MARCHF4: variants seen among roughly 807,000 people sequenced by gnomAD.
The protein encoded by MARCHF4 is E3 ubiquitin-protein ligase MARCHF4.
A neutral mutation model predicts 43.9 loss-of-function variants in MARCHF4; 14 were observed. The observed-to-expected ratio is 0.32, with a 90% confidence interval of 0.21 to 0.50. The LOEUF (loss-of-function observed/expected upper bound fraction) is 0.50, where lower values mean the gene tolerates loss of function less well. Ranked by LOEUF, MARCHF4 falls within the 20% of genes least tolerant of loss-of-function variation. The probability of loss-of-function intolerance (pLI) is 0.98; values close to 1 mark genes in which losing one functional copy is unlikely to be tolerated. For missense variants in MARCHF4, 468 were observed against 536.7 expected, an observed-to-expected ratio of 0.87 and a Z score of 1.27; for synonymous variants, 226 against 213.3, an observed-to-expected ratio of 1.06 and a Z score of -0.52.
chr2:216,356,029 G>C (rs1370217702), intron 1 of MARCHF4, among the ~76,000 whole-genome samples: 1 of 152,194 alleles, frequency 6.6e-6, no homozygotes, highest in Non-Finnish European at 1.5e-5. Flanking sequence ...ACAGCCCCAG[G>C]ACTAGAAAGC....
chr2:216,263,507 G>GAA (rs775037744), intron 3 of MARCHF4, among the ~76,000 whole-genome samples: 110 of 129,674 alleles, frequency 8.5e-4, no homozygotes, highest in South Asian at 7.2e-3. Context: ...GAGAGAGAGA[G>GAA]AGAGAGAGAG....
At chr2:216,350,611 C>T (rs921341984) in intron 1 of MARCHF4, among the ~76,000 whole-genome samples, 1 of 152,142 alleles carries the variant, frequency 6.6e-6, no homozygotes, top group Non-Finnish European at 1.5e-5. Context: ...GCCTGCGGGC[C>T]CCTTCTCCCC....
At chr2:216,269,512 T>A (rs1313888464) in intron 3 of MARCHF4, among the ~76,000 whole-genome samples, 1 of 152,194 alleles carries the variant, frequency 6.6e-6, no homozygotes, top group African/African-American at 2.4e-5. Context: ...AGACTTTTAA[T>A]GACGTGAGGA....
rs1378143306 is a variant in MARCHF4 at position 216,364,727 on chromosome 2, G to A, written c.516+5018C>T. Among the ~76,000 whole-genome samples the A allele has an allele frequency of 3.9e-5, 6 of 152,308 alleles. 1 individual carries two copies. The highest frequency in any genetic ancestry group is 4.1e-4 in the South Asian group (2 of 4,832). ...CAAGCCAGCAGGACTGTCCATACAC[G>A]TTGGTCCAAGGCTCATTAGTACAGG... On this transcript the variant is annotated intron_variant, in intron 1 of 3. Transcript: ENST00000273067.
chr2:216,350,995 A>G (rs189837874), intron 1 of MARCHF4, among the ~76,000 whole-genome samples: 52 of 152,308 alleles, frequency 3.4e-4, no homozygotes, highest in Admixed American at 1.0e-3. Flanking sequence ...GTCTTACAAC[A>G]AACAAACAAG....
chr2:216,298,172 A>C (rs1489283871), intron 1 of MARCHF4, among the ~76,000 whole-genome samples: 1 of 151,576 alleles, frequency 6.6e-6, no homozygotes, highest in Non-Finnish European at 1.5e-5. Context: ...CACCCTGAAA[A>C]GTTCTATTTT....
intron 1 of MARCHF4, among the ~76,000 whole-genome samples, chr2:216,321,980 A>T (rs997453835): frequency 1.3e-5 from 2 of 152,198 alleles, no homozygotes; most frequent in African/African-American, 4.8e-5. Context: ...GAACATCCAC[A>T]CATGGTGGAC....
At chr2:216,351,867 T>C (rs976421669) in intron 1 of MARCHF4, among the ~76,000 whole-genome samples, 1 of 152,240 alleles carries the variant, frequency 6.6e-6, no homozygotes. Flanking sequence ...ATAATGCTGA[T>C]GGCACCTGGG....
At chr2:216,343,029 A>G (rs911434868) in intron 1 of MARCHF4, among the ~76,000 whole-genome samples, 1 of 152,184 alleles carries the variant, frequency 6.6e-6, no homozygotes, top group East Asian at 1.9e-4. Flanking sequence ...AGAATGGTGA[A>G]CTGTCCCCCT....
chr2:216,318,681 G>A (rs920533952), intron 1 of MARCHF4, among the ~76,000 whole-genome samples: 18 of 152,144 alleles, frequency 1.2e-4, no homozygotes, highest in African/African-American at 2.7e-4. Context: ...TGCCGTGAAT[G>A]AGAATGGCAG....
chr2:216,284,538 T>C (rs1281297984), intron 1 of MARCHF4, among the ~76,000 whole-genome samples: 4 of 152,196 alleles, frequency 2.6e-5, no homozygotes, highest in African/African-American at 9.7e-5. Context: ...CGATTGCGGC[T>C]AACTGCAACC....
chr2:216,320,635 CTT>C (rs1691868211), intron 1 of MARCHF4, among the ~76,000 whole-genome samples: 1 of 111,902 alleles, frequency 8.9e-6, no homozygotes, highest in African/African-American at 4.0e-5. Flanking sequence ...TTCTTTCTTT[CTT>C]TCTTTCTTTC....
At chr2:216,361,487 C>T (rs192802967) in intron 1 of MARCHF4, among the ~76,000 whole-genome samples, 123 of 152,196 alleles carry the variant, frequency 8.1e-4, no homozygotes, top group Admixed American at 3.4e-3. Flanking sequence ...CATGGTCTGC[C>T]CCTGACCTCT....
In MARCHF4 at chr2:216,259,507, G is replaced by A. The variant is rs1277574466; in HGVS notation, c.1038C>T (p.Ser346=). The A allele has an allele frequency of 1.9e-6, 3 of 1,614,210 alleles. No homozygotes were observed. Among genetic ancestry groups the A allele is most frequent in the East Asian group, 4.5e-5 (2 of 44,880 alleles). The change falls in exon 4 of 4, where the codon TCC becomes TCT. Residue 346 remains serine (S), a synonymous_variant. Transcript: ENST00000273067. The part of the protein sequence containing the change: ...TSSSTQANIP[S]SEEETAGTPA... ...GGGTGCCTGCGGTCTCCTCTTCCGA[G>A]GAGGGGATATTGGCCTGGGTGGATG...
At chr2:216,274,992 A>C (rs1054556947) in intron 3 of MARCHF4, among the ~76,000 whole-genome samples, 17 of 152,302 alleles carry the variant, frequency 1.1e-4, no homozygotes, top group Admixed American at 8.5e-4. Flanking sequence ...GTCCCTCTGC[A>C]TTCCCTCTCC....
intron 3 of MARCHF4, among the ~76,000 whole-genome samples, chr2:216,260,024 C>T (rs1690716228): frequency 6.6e-6 from 1 of 152,174 alleles, no homozygotes; most frequent in Non-Finnish European, 1.5e-5. Context: ...GCACCCAGTC[C>T]TTAGCAGATG....
intron 1 of MARCHF4, among the ~76,000 whole-genome samples, chr2:216,287,435 AC>A (rs1691233342): frequency 6.6e-6 from 1 of 151,956 alleles, no homozygotes; most frequent in South Asian, 2.1e-4. Flanking sequence ...GGCACCAGAC[AC>A]TTCCTCAATG....
At chr2:216,339,656 A>G (rs566501966) in intron 1 of MARCHF4, among the ~76,000 whole-genome samples, 6 of 152,168 alleles carry the variant, frequency 3.9e-5, no homozygotes, top group Non-Finnish European at 5.9e-5. Context: ...CAGTTTTACA[A>G]TCCTTTTCAA....
rs188722400 is a variant in MARCHF4 at position 216,322,597 on chromosome 2, G to A, written c.517-38868C>T. Among the ~76,000 whole-genome samples the A allele has an allele frequency of 5.2e-3, 795 of 152,322 alleles. 6 individuals carry two copies. The highest frequency in any genetic ancestry group is 0.018 in the African/African-American group (751 of 41,572). ...AACACTTTGGGAGGCCGAGGCAGGC[G>A]GATCACCTGAGATCAGGAGTTCGAA... On this transcript the variant is annotated intron_variant, in intron 1 of 3. Coordinates refer to ENST00000273067, the MANE Select transcript of MARCHF4 (RefSeq NM_020814.3).
Sources: allele counts gnomAD v4.1 joint callset (sites outside exome capture counted in the v4.1 genomes callset), GRCh38; gene constraint gnomAD v4.1.1; transcripts MANE v1.5; gene names NCBI Gene and HGNC (gene_info 2026-07-23, HGNC 2026-07-21).